Variants in RIMKLB observed in about 807,000 individuals in gnomAD.
RIMKLB encodes the protein ribosomal modification protein rimK like family member B, also known as beta-citrylglutamate synthase B.
RIMKLB carries 7 observed loss-of-function variants against 32.0 expected under a neutral mutation model. The ratio of observed to expected loss-of-function variants is 0.22; its 90% CI spans 0.12 to 0.41. The LOEUF is 0.41. Ranked by LOEUF, RIMKLB falls within the 10% of genes least tolerant of loss-of-function variation. The pLI is 1.00. For missense variants in RIMKLB, 289 were observed against 498.7 expected (o/e 0.58, Z 4.00); for synonymous variants, 172 against 185.1 (o/e 0.93, Z 0.57).
At chr12:8,684,609 T>C (rs1475230486) in intron 1 of RIMKLB, among the ~76,000 whole-genome samples, 1 of 151,346 alleles carries the variant, frequency 6.6e-6, no homozygotes, top group Non-Finnish European at 1.5e-5. Flanking sequence ...CTTTTTTTCA[T>C]GTAAATGTCC....
chr12:8,766,122 A>AGAAC (rs1254619771), intron 5 of RIMKLB, among the ~76,000 whole-genome samples: 4 of 152,040 alleles, frequency 2.6e-5, no homozygotes, highest in Non-Finnish European at 5.9e-5. Flanking sequence ...TCTGAAAAAA[A>AGAAC]GAACATAGGG....
At chr12:8,728,870 C>T (rs1245006491) in intron 2 of RIMKLB, among the ~76,000 whole-genome samples, 1 of 152,120 alleles carries the variant, frequency 6.6e-6, no homozygotes, top group Non-Finnish European at 1.5e-5. Flanking sequence ...CTTTTAGGCT[C>T]AAATGTTCCA....
intron 2 of RIMKLB, among the ~76,000 whole-genome samples, chr12:8,725,365 C>T (rs1945880259): frequency 6.6e-6 from 1 of 152,130 alleles, no homozygotes; most frequent in African/African-American, 2.4e-5. Context: ...GCAACTTCCA[C>T]CTCCCCGGTT....
chr12:8,674,330 C>T, the RIMKLB span, among the ~76,000 whole-genome samples: 1 of 150,550 alleles, frequency 6.6e-6, no homozygotes, highest in African/African-American at 2.5e-5. Flanking sequence ...GCTCCACCTC[C>T]CGGGCTCATG....
chr12:8,777,211 C>CTTTA, downstream of RIMKLB: 3 of 483,286 alleles, frequency 6.2e-6, no homozygotes, highest in Non-Finnish European at 7.1e-6. Flanking sequence ...TGCTTGCTTG[C>CTTTA]TTTCTTTTTT....
At chr12:8,672,498 G>A in the RIMKLB span, among the ~76,000 whole-genome samples, 1 of 152,098 alleles carries the variant, frequency 6.6e-6, no homozygotes, top group Non-Finnish European at 1.5e-5. Context: ...CTTCTTACAT[G>A]GCAGCAGCAA....
intron 2 of RIMKLB, among the ~76,000 whole-genome samples, chr12:8,722,198 T>C (rs1415218439): frequency 6.8e-6 from 1 of 147,398 alleles, no homozygotes; most frequent in Non-Finnish European, 1.5e-5. Context: ...ATTACTCCTG[T>C]TTGTCAGCTG....
chr12:8,731,501 G>C (rs924171381), intron 2 of RIMKLB, among the ~76,000 whole-genome samples: 2 of 151,922 alleles, frequency 1.3e-5, no homozygotes, highest in South Asian at 4.2e-4. Context: ...TGAGGGCTTG[G>C]AATTTCCTAT....
In RIMKLB at chr12:8,776,809, G is replaced by A. The variant is rs750991426; in HGVS notation, c.*3025G>A. Reference sequence around the variant, plus strand: ...GTAGAAAAACCCAACAAGAGACTTGGCATTCATCAAGCACATTATCAGACT... The same window carrying A: ...GTAGAAAAACCCAACAAGAGACTTGACATTCATCAAGCACATTATCAGACT... On this transcript the variant is annotated 3_prime_UTR_variant, in exon 6 of 6. Transcript: ENST00000535829. 4.1e-6 allele frequency: 4 copies of A among 985,568 alleles called. No homozygotes were observed. In the South Asian group the frequency reaches 1.9e-4, roughly 46 times the overall value. 61.1% of individuals were successfully genotyped at this position (985,568 alleles called of 1,614,324 possible). A position where few individuals can be genotyped will look rare whatever the true frequency, so the allele number is the denominator to read the frequency against.
intron 1 of RIMKLB, among the ~76,000 whole-genome samples, chr12:8,699,368 C>G (rs1265351482): frequency 6.6e-6 from 1 of 151,964 alleles, no homozygotes; most frequent in Admixed American, 6.6e-5. Flanking sequence ...TTGTTACTTT[C>G]ACAATATTGG....
chr12:8,773,236 G>A (rs1950542565), intron 5 of RIMKLB, 85 bp from the exon 6 acceptor site: 1 of 913,652 alleles, frequency 1.1e-6, no homozygotes, highest in Non-Finnish European at 1.7e-6. Flanking sequence ...TAATTTAGAA[G>A]AAAGGCTTAG....
chr12:8,742,994 C>A (rs1206178727), intron 2 of RIMKLB: 7 of 157,382 alleles, frequency 4.4e-5, no homozygotes, highest in South Asian at 3.9e-4. Flanking sequence ...ATGGCACCAC[C>A]TCCTGTGAAC....
intron 1 of RIMKLB, among the ~76,000 whole-genome samples, chr12:8,683,219 C>T (rs755559109): frequency 8.5e-5 from 13 of 152,298 alleles, no homozygotes; most frequent in South Asian, 6.2e-4. Context: ...CTGCTATAAA[C>T]ATTCATGTGC....
At chr12:8,672,613 A>G in the RIMKLB span, among the ~76,000 whole-genome samples, 1 of 149,260 alleles carries the variant, frequency 6.7e-6, no homozygotes, top group African/African-American at 2.5e-5. Flanking sequence ...TGACCCCCCC[A>G]TGATACAATT....
At chr12:8,704,715 C>G (rs890183431) in intron 1 of RIMKLB, among the ~76,000 whole-genome samples, 2 of 152,088 alleles carry the variant, frequency 1.3e-5, no homozygotes, top group Non-Finnish European at 2.9e-5. Flanking sequence ...TGAGCCATGG[C>G]TCATGCCTGT....
At position 8,750,040 on chromosome 12, in the gene RIMKLB, A is replaced by G. The variant is rs748597298; in HGVS notation, c.354A>G (p.Thr118=). The change falls in exon 3 of 6, where the codon ACA becomes ACG. Residue 118 remains threonine (T), a synonymous_variant. Coordinates refer to ENST00000535829, the MANE Select transcript of RIMKLB (RefSeq NM_001297776.2). ...TGAACTGCGTTAATAAGTTCTGGAC[A>G]TTTCAAGAGTTGGCTGGCCATGGTG... ...AILNCVNKFW[T]FQELAGHGVP... 1.9e-6 allele frequency: 3 copies of G among 1,611,954 alleles called. No homozygotes were observed. The highest frequency in any genetic ancestry group is 1.7e-5 in the Admixed American group (1 of 59,970).
intron 2 of RIMKLB, among the ~76,000 whole-genome samples, chr12:8,740,349 G>GT (rs1383247545): frequency 6.6e-6 from 1 of 152,134 alleles, no homozygotes; most frequent in African/African-American, 2.4e-5. Context: ...TTTTTACAGT[G>GT]TTTTTTATTT....
chr12:8,722,506 T>C (rs1945550566), intron 2 of RIMKLB, among the ~76,000 whole-genome samples: 1 of 152,202 alleles, frequency 6.6e-6, no homozygotes. Flanking sequence ...GCATAACTTT[T>C]AAGAACCCTA....
intron 1 of RIMKLB, among the ~76,000 whole-genome samples, chr12:8,690,181 G>T (rs1455415517): frequency 2.0e-5 from 3 of 152,044 alleles, no homozygotes; most frequent in Non-Finnish European, 4.4e-5. Context: ...TTGATAAAAA[G>T]ATTCTATGAC....
Sources: gnomAD v4.1 joint callset for allele counts (sites outside exome capture counted in the v4.1 genomes callset) on GRCh38, gnomAD v4.1.1 for gene constraint, MANE v1.5 for transcripts, NCBI Gene and HGNC (gene_info 2026-07-23, HGNC 2026-07-21) for gene names.